Variants in PPP2R3A observed in about 807,000 individuals in gnomAD.
PPP2R3A encodes protein phosphatase 2 regulatory subunit B''alpha.
Under a neutral mutation model 106.9 loss-of-function variants are expected in PPP2R3A, and 80 were observed. The ratio of observed to expected loss-of-function variants is 0.75; its 90% CI spans 0.62 to 0.90. The LOEUF (loss-of-function observed/expected upper bound fraction) is 0.90. Among genes scored for constraint, PPP2R3A ranks in the 40% least tolerant of loss-of-function variants. The pLI is 0.00. For missense variants in PPP2R3A, 1,386 were observed against 1,350.4 expected (o/e 1.03, Z -0.41); for synonymous variants, 483 against 468.3 (o/e 1.03, Z -0.41).
chr3:136,080,471 A>G (rs774268584), intron 7 of PPP2R3A, among the ~76,000 whole-genome samples: 2 of 152,158 alleles, frequency 1.3e-5, no homozygotes, highest in Non-Finnish European at 2.9e-5. Context: ...TCACTTATAT[A>G]CTCACCAACA....
At chr3:135,998,562 A>G (rs1370860577) in intron 1 of PPP2R3A, among the ~76,000 whole-genome samples, 6 of 152,218 alleles carry the variant, frequency 3.9e-5, no homozygotes, top group Non-Finnish European at 8.8e-5. Flanking sequence ...TATGTATCTA[A>G]TGACTTTTTT....
rs557849453 is a variant in PPP2R3A, at chr3:136,012,505, A to T, written c.1995+9012A>T. On this transcript the variant is annotated intron_variant, in intron 2 of 13. Transcript: ENST00000264977. ...CATGCTTTCCTATTTTGCTGCAGCC[A>T]GTGAAGTCAAGGCTAGAGAATTAGG... 4.6e-5 allele frequency among the ~76,000 whole-genome samples: 7 copies of T among 152,218 alleles called. No homozygotes were observed. In the South Asian group the frequency reaches 8.3e-4, roughly 18 times the overall value.
In PPP2R3A at chr3:136,003,224, A is replaced by T. The variant is rs754208314; in HGVS notation, c.1726A>T (p.Ile576Phe). ...KVSPSCLTRI[I>F]ETNGHKIEEE... Reference sequence around the variant, plus strand: ...CTCACCTTCCTGTCTAACAAGGATTATTGAAACCAATGGACACAAAATAGA... The same window carrying T: ...CTCACCTTCCTGTCTAACAAGGATTTTTGAAACCAATGGACACAAAATAGA... The change falls in exon 2 of 14, where the codon ATT (isoleucine) becomes TTT (phenylalanine). Residue 576 changes from isoleucine (I) to phenylalanine (F), a missense_variant. By Grantham distance (21) the Ile-to-Phe change is conservative (BLOSUM62 0). Coordinates refer to ENST00000264977, the MANE Select transcript of PPP2R3A (RefSeq NM_002718.5). 5.0e-6 allele frequency: 8 copies of T among 1,614,008 alleles called. No individual in the cohort carries two copies. The Admixed American group carries it at 1.3e-4, about 27-fold the overall frequency.
At chr3:135,998,111 C>G (rs1453324104) in intron 1 of PPP2R3A, among the ~76,000 whole-genome samples, 3 of 152,220 alleles carry the variant, frequency 2.0e-5, no homozygotes, top group Non-Finnish European at 4.4e-5. Flanking sequence ...TTGCTTGTCT[C>G]TATACGCCCG....
chr3:135,989,585 A>G lies in PPP2R3A; in HGVS notation c.-440-11474A>G, dbSNP rs116451313. Among the ~76,000 whole-genome samples the G allele has an allele frequency of 6.2e-3, 939 of 152,184 alleles. 16 individuals are homozygous for G. Among genetic ancestry groups the G allele is most frequent in the African/African-American group, 0.022 (912 of 41,518 alleles). On this transcript the variant is annotated intron_variant, in intron 1 of 13. Transcript: ENST00000264977. Reference sequence around the variant, plus strand: ...ATTATTCATCTATGTCTGGAACACAAAAAAATCTCCTGAGCTTCCATATGT... The same window carrying G: ...ATTATTCATCTATGTCTGGAACACAGAAAAATCTCCTGAGCTTCCATATGT...
At chr3:136,075,828 T>C (rs993938980) in intron 6 of PPP2R3A, among the ~76,000 whole-genome samples, 1 of 152,202 alleles carries the variant, frequency 6.6e-6, no homozygotes, top group African/African-American at 2.4e-5. Context: ...TAATAATATA[T>C]ATTGAAATTG....
In PPP2R3A at chr3:136,003,140, G is replaced by A. The variant is rs371563412; in HGVS notation, c.1642G>A (p.Gly548Ser). The change falls in exon 2 of 14, where the codon GGT becomes AGT. Residue 548 changes from glycine (G) to serine (S), a missense_variant. Gly to Ser is a moderately conservative substitution (Grantham distance 56, BLOSUM62 0). Coordinates refer to ENST00000264977, the MANE Select transcript of PPP2R3A (RefSeq NM_002718.5). ...NFLNSHSQLT[G>S]QTLVDLEPKS... Reference sequence around the variant, plus strand: ...TTTAAATAGTCACAGTCAGTTGACCGGTCAGACCCTTGTAGATCTTGAGCC... The same window carrying A: ...TTTAAATAGTCACAGTCAGTTGACCAGTCAGACCCTTGTAGATCTTGAGCC... The A allele has an allele frequency of 4.3e-4, 687 of 1,613,706 alleles. 14 individuals are homozygous for A. In the South Asian group the frequency reaches 7.0e-3, roughly 16 times the overall value.
chr3:136,116,473 G>A (rs1456196693), intron 13 of PPP2R3A, among the ~76,000 whole-genome samples: 38 of 152,160 alleles, frequency 2.5e-4, no homozygotes, highest in African/African-American at 8.9e-4. Context: ...AAGACCCATT[G>A]GTATGCTGTA....
Position 136,003,227 on chromosome 3 carries a change from G to A in PPP2R3A, c.1729G>A (p.Glu577Lys), listed in dbSNP as rs1933712360. 1.9e-6 allele frequency: 3 copies of A among 1,613,918 alleles called. No homozygotes were observed. The highest frequency in any genetic ancestry group is 2.5e-6 in the Non-Finnish European group (3 of 1,179,882). The change falls in exon 2 of 14, where the codon GAA (glutamate) becomes AAA (lysine). Residue 577 changes from glutamate to lysine, a missense_variant. Coordinates refer to ENST00000264977, the MANE Select transcript of PPP2R3A (RefSeq NM_002718.5). The part of the protein sequence containing the change: ...VSPSCLTRII[E>K]TNGHKIEEED... Reference sequence around the variant, plus strand: ...ACCTTCCTGTCTAACAAGGATTATTGAAACCAATGGACACAAAATAGAGGA... The same window carrying A: ...ACCTTCCTGTCTAACAAGGATTATTAAAACCAATGGACACAAAATAGAGGA...
intron 1 of PPP2R3A, among the ~76,000 whole-genome samples, chr3:135,980,803 A>G (rs905714064): frequency 3.3e-5 from 5 of 151,842 alleles, no homozygotes. Flanking sequence ...CTTGGTAACC[A>G]CTGATGTTCA....
chr3:135,983,510 TTTC>T (rs1245529195), intron 1 of PPP2R3A, among the ~76,000 whole-genome samples: 1 of 152,184 alleles, frequency 6.6e-6, no homozygotes. Flanking sequence ...CTTCAAAATG[TTTC>T]TTCTTTTCAG....
At chr3:136,022,392 T>G (rs1934497290) in intron 2 of PPP2R3A, among the ~76,000 whole-genome samples, 1 of 152,156 alleles carries the variant, frequency 6.6e-6, no homozygotes, top group South Asian at 2.1e-4. Flanking sequence ...TTTTTGTAAA[T>G]TCCCATTTGA....
chr3:136,116,338 C>T (rs1381271667), intron 13 of PPP2R3A, among the ~76,000 whole-genome samples: 5 of 152,128 alleles, frequency 3.3e-5, no homozygotes, highest in Non-Finnish European at 7.4e-5. Context: ...CATCAACTAA[C>T]GGACAAAATA....
intron 3 of PPP2R3A, among the ~76,000 whole-genome samples, chr3:136,030,877 G>A (rs1451267867): frequency 1.3e-5 from 2 of 150,874 alleles, no homozygotes; most frequent in East Asian, 1.9e-4. Flanking sequence ...TTGATTGATG[G>A]GCATTGGGTT....
chr3:136,010,150 A>G (rs1420829083), intron 2 of PPP2R3A, among the ~76,000 whole-genome samples: 1 of 152,044 alleles, frequency 6.6e-6, no homozygotes, highest in Non-Finnish European at 1.5e-5. Flanking sequence ...AGAGACCTTT[A>G]TCCATCTCCT....
At chr3:135,974,154 T>C (rs1475007414) in intron 1 of PPP2R3A, among the ~76,000 whole-genome samples, 1 of 152,216 alleles carries the variant, frequency 6.6e-6, no homozygotes, top group Non-Finnish European at 1.5e-5. Context: ...TCTCACCTTA[T>C]TGGAGGTTTA....
At position 136,070,904 on chromosome 3, in the gene PPP2R3A, T is replaced by C. The variant is rs370815343; in HGVS notation, c.2544+352T>C. ...CTGTCCCTGTCCCAGAAAAAAAGAT[T>C]GGTCTCTAGTACCTCAAAGTTAGAA... On this transcript the variant is annotated intron_variant, in intron 6 of 13. Coordinates refer to ENST00000264977, the MANE Select transcript of PPP2R3A (RefSeq NM_002718.5). 5.2e-5 allele frequency among the ~76,000 whole-genome samples: 8 copies of C among 152,386 alleles called. No individual in the cohort carries two copies. In the East Asian group the frequency reaches 1.5e-3, roughly 29 times the overall value.
At chr3:136,022,868 T>G (rs1218372438) in intron 2 of PPP2R3A, 9 of 1,363,906 alleles carry the variant, frequency 6.6e-6, no homozygotes, top group Admixed American at 3.6e-5. Context: ...AGCCACAGAC[T>G]GTATTTGGGA....
At chr3:136,076,522 C>T (rs1936599228) in intron 6 of PPP2R3A, among the ~76,000 whole-genome samples, 1 of 152,192 alleles carries the variant, frequency 6.6e-6, no homozygotes, top group Non-Finnish European at 1.5e-5. Context: ...CTATGCAAAA[C>T]TCTGAGTAGA....
Sources: allele counts gnomAD v4.1 joint callset (sites outside exome capture counted in the v4.1 genomes callset), GRCh38; gene constraint gnomAD v4.1.1; transcripts MANE v1.5; gene names NCBI Gene and HGNC (gene_info 2026-07-23, HGNC 2026-07-21).